Variants in DNAJB6 observed in about 807,000 individuals in gnomAD.
DNAJB6 encodes the protein dnaJ homolog subfamily B member 6.
In DNAJB6, 16 loss-of-function variants were observed where a neutral mutation model predicts 42.7. That is an observed-to-expected ratio of 0.37 (90% CI 0.25 to 0.57). The LOEUF (loss-of-function observed/expected upper bound fraction) is 0.57. Ranked by LOEUF, DNAJB6 falls within the 20% of genes least tolerant of loss-of-function variation. The pLI is 0.74. For synonymous variants in DNAJB6, 170 were observed against 163.5 expected, an observed-to-expected ratio of 1.04 and a Z score of -0.30; for missense variants, 347 against 416.8, an observed-to-expected ratio of 0.83 and a Z score of 1.46.
At chr7:157,382,062 G>A in intron 5 of DNAJB6, 184 bp from the exon 6 acceptor site, 1 of 514,250 alleles carries the variant, frequency 1.9e-6, no homozygotes, top group Non-Finnish European at 3.3e-6. Flanking sequence ...AATTAAACTA[G>A]TTAGTAAAAC....
At chr7:157,361,753 C>CATTT (rs1799610203) in intron 2 of DNAJB6, among the ~76,000 whole-genome samples, 1 of 144,402 alleles carries the variant, frequency 6.9e-6, no homozygotes. Flanking sequence ...TGTATTCATT[C>CATTT]ATTCATTCAT....
intron 1 of DNAJB6, among the ~76,000 whole-genome samples, chr7:157,344,600 T>A (rs984657954): frequency 3.3e-5 from 5 of 152,202 alleles, no homozygotes. Context: ...TTTGTTTTTT[T>A]ATTTTTTATT....
In DNAJB6 at chr7:157,366,562, G is replaced by A; in HGVS notation, c.235+1G>A. The A allele has an allele frequency of 6.2e-7, 1 of 1,613,652 alleles. No homozygotes were observed. The highest frequency in any genetic ancestry group is 8.5e-7 in the Non-Finnish European group (1 of 1,179,716). ...GAAGGATTAAATGGTGGAGGAGGAG[G>A]TAAGTACGTGAGTTTTTTCTTTGAA... On this transcript the variant is annotated splice_donor_variant, in intron 4 of 9. Coordinates refer to ENST00000262177, the MANE Select transcript of DNAJB6 (RefSeq NM_058246.4). LOFTEE classifies it high-confidence loss of function.
chr7:157,404,448 C>T (rs1005992118), intron 8 of DNAJB6, among the ~76,000 whole-genome samples: 5 of 146,558 alleles, frequency 3.4e-5, no homozygotes, highest in Middle Eastern at 3.6e-3. Context: ...TGCAACAGCG[C>T]ACTGGGCTAA....
At chr7:157,352,025 A>G (rs1799009491) in intron 1 of DNAJB6, among the ~76,000 whole-genome samples, 1 of 151,996 alleles carries the variant, frequency 6.6e-6, no homozygotes, top group African/African-American at 2.4e-5. Flanking sequence ...AAACAAAAAA[A>G]CAAAACTTCT....
At chr7:157,382,862 T>C (rs1305637970) in intron 6 of DNAJB6, 1 of 152,386 alleles carries the variant, frequency 6.6e-6, no homozygotes, top group African/African-American at 2.4e-5. Context: ...CTCTTCATAG[T>C]TCACCGATGG....
At chr7:157,341,043 A>G (rs898612845) in intron 1 of DNAJB6, among the ~76,000 whole-genome samples, 3 of 151,054 alleles carry the variant, frequency 2.0e-5, no homozygotes, top group Non-Finnish European at 4.4e-5. Context: ...GCTGGTCTCG[A>G]ACTCCTGGCC....
intron 8 of DNAJB6, among the ~76,000 whole-genome samples, chr7:157,387,938 C>T (rs562764596): frequency 1.1e-4 from 16 of 152,106 alleles, no homozygotes; most frequent in Non-Finnish European, 1.3e-4. Context: ...CTCTGCCTCC[C>T]GGGTTCAAGC....
At chr7:157,347,115 AAAGTGC>A (rs1798729834) in intron 1 of DNAJB6, among the ~76,000 whole-genome samples, 1 of 152,224 alleles carries the variant, frequency 6.6e-6, no homozygotes, top group African/African-American at 2.4e-5. Context: ...TCGGCCTCCC[AAAGTGC>A]TGGGATTACA....
At chr7:157,380,280 G>A (rs1047408141) in intron 5 of DNAJB6, 1 of 152,314 alleles carries the variant, frequency 6.6e-6, no homozygotes, top group Non-Finnish European at 1.5e-5. Flanking sequence ...TGGCTGCAAA[G>A]TAGAAAGTTT....
intron 8 of DNAJB6, among the ~76,000 whole-genome samples, chr7:157,400,476 A>C (rs1288478930): frequency 6.6e-6 from 1 of 152,180 alleles, no homozygotes; most frequent in Non-Finnish European, 1.5e-5. Flanking sequence ...CATCCTGGTC[A>C]TCCTTCCCTG....
intron 5 of DNAJB6, chr7:157,372,244 G>C (rs1382462790): frequency 2.0e-5 from 3 of 152,974 alleles, no homozygotes; most frequent in African/African-American, 7.2e-5. Context: ...CTGGTGAAGA[G>C]AACAGTGAGG....
At chr7:157,338,409 C>A (rs1300988172) in intron 1 of DNAJB6, among the ~76,000 whole-genome samples, 1 of 152,072 alleles carries the variant, frequency 6.6e-6, no homozygotes, top group Non-Finnish European at 1.5e-5. Flanking sequence ...TCTCCACTCA[C>A]TGCAACTTCC....
chr7:157,348,861 C>G (rs1340368102), intron 1 of DNAJB6, among the ~76,000 whole-genome samples: 1 of 152,158 alleles, frequency 6.6e-6, no homozygotes, highest in Non-Finnish European at 1.5e-5. Flanking sequence ...GGGCTGTGTG[C>G]TGTCGTTATT....
chr7:157,366,618 T>G, intron 4 of DNAJB6, 57 bp downstream of exon 4: 1 of 1,511,582 alleles, frequency 6.6e-7, no homozygotes, highest in Non-Finnish European at 9.2e-7. Flanking sequence ...AAGTTGAGTT[T>G]GTAAATCACG....
chr7:157,374,748 G>A (rs1389872014), intron 5 of DNAJB6, among the ~76,000 whole-genome samples: 2 of 152,194 alleles, frequency 1.3e-5, no homozygotes, highest in African/African-American at 2.4e-5. Flanking sequence ...TCTGTGCTGT[G>A]AGAACTGAGG....
intron 1 of DNAJB6, among the ~76,000 whole-genome samples, chr7:157,347,903 C>T (rs1390869059): frequency 6.6e-6 from 1 of 152,062 alleles, no homozygotes; most frequent in African/African-American, 2.4e-5. Flanking sequence ...TCAAGCGATT[C>T]TTCTGCCTCA....
chr7:157,367,471 T>C lies in DNAJB6; in HGVS notation c.334T>C (p.Phe112Leu), dbSNP rs2116995829. ...EFFGGRDPFSFDFFEDPFEDF... is the reference protein window; with the variant it reads ...EFFGGRDPFSLDFFEDPFEDF... ...TTTTGGTGGAAGGGACCCATTTTCATTTGACTTCTTTGGTAAGTTAATCAC... is the reference window on the plus strand; with the variant it reads ...TTTTGGTGGAAGGGACCCATTTTCACTTGACTTCTTTGGTAAGTTAATCAC... The change falls in exon 5 of 10, where the codon TTT (phenylalanine) becomes CTT (leucine). Residue 112 changes from phenylalanine (F) to leucine (L), a missense_variant. Physicochemically the swap from Phe to Leu is conservative, Grantham distance 22. Around this residue, in one of 3 missense-constraint regions of DNAJB6, gnomAD observed 264 missense variants for 288.0 expected, o/e 0.92. Transcript: ENST00000262177. The C allele has an allele frequency of 6.3e-7, 1 of 1,599,156 alleles. No individual in the cohort carries two copies. Among genetic ancestry groups the C allele is most frequent in the South Asian group, 1.1e-5 (1 of 90,814 alleles).
chr7:157,351,347 G>T (rs895888453), intron 1 of DNAJB6, among the ~76,000 whole-genome samples: 1 of 152,104 alleles, frequency 6.6e-6, no homozygotes, highest in Non-Finnish European at 1.5e-5. Flanking sequence ...AACTGTTGTG[G>T]GCCGGGCACG....
Sources: gnomAD v4.1 joint callset for allele counts (sites outside exome capture counted in the v4.1 genomes callset) on GRCh38, gnomAD v4.1.1 for gene constraint, gnomAD v4.1.1 regional missense constraint, MANE v1.5 for transcripts, NCBI Gene and HGNC (gene_info 2026-07-23, HGNC 2026-07-21) for gene names.